LRRC28: variants seen among roughly 807,000 people sequenced by gnomAD.
LRRC28 encodes the protein leucine rich repeat containing 28.
A neutral mutation model predicts 45.7 loss-of-function variants in LRRC28; 39 were observed. That is an observed-to-expected ratio of 0.85 (90% CI 0.66 to 1.12). LRRC28 has a LOEUF of 1.12. Ranked by LOEUF, LRRC28 falls within the 50% of genes most tolerant of loss-of-function variation. The pLI is 0.00. For missense variants in LRRC28, 435 were observed against 438.5 expected (o/e 0.99, Z 0.07); for synonymous variants, 206 against 178.8 (o/e 1.15, Z -1.22).
chr15:99,286,300 T>G (rs894134871), intron 3 of LRRC28, among the ~76,000 whole-genome samples: 7 of 152,080 alleles, frequency 4.6e-5, no homozygotes, highest in African/African-American at 1.2e-4. Flanking sequence ...CTGGCTAATT[T>G]TTTTGTATTT....
In LRRC28 at chr15:99,361,136, G is replaced by C. The variant is rs1957187915; in HGVS notation, c.696-200G>C. ...ACTGGGCCTCAGCAATGATTTAGCT[G>C]AGTTCCAACTGATGAGTTTAGATTG... On this transcript the variant is annotated intron_variant, in intron 7 of 9. Transcript: ENST00000301981. 5.6e-6 allele frequency: 3 copies of C among 533,076 alleles called. No individual in the cohort carries two copies. The South Asian group carries it at 9.1e-5, about 16-fold the overall frequency. 33.0% of individuals were successfully genotyped at this position (533,076 alleles called of 1,614,324 possible).
intron 6 of LRRC28, chr15:99,338,108 A>G (rs915184784): frequency 6.6e-6 from 1 of 152,146 alleles, no homozygotes; most frequent in African/African-American, 2.4e-5. Context: ...AGGCTTCAGG[A>G]GACTGGAGAC....
rs139642725 is a variant in LRRC28, at chr15:99,341,639, G to A, written c.592+7510G>A. On this transcript the variant is annotated intron_variant, in intron 6 of 9. Transcript: ENST00000301981. ...ATTTAGGGGGTGGGACATGATTAAT[G>A]TGAAGAAAGTGAGCCCTGTTCTCCC... is the stretch of plus-strand genomic sequence containing the variant. Among the ~76,000 whole-genome samples the A allele has an allele frequency of 1.3e-4, 20 of 152,288 alleles. 1 individual carries two copies. The East Asian group carries it at 1.9e-3, about 15-fold the overall frequency.
intron 5 of LRRC28, among the ~76,000 whole-genome samples, chr15:99,324,400 A>G (rs1378155190): frequency 1.3e-5 from 2 of 152,208 alleles, no homozygotes; most frequent in African/African-American, 4.8e-5. Flanking sequence ...TTCTCAACCC[A>G]GTGTGCTCTG....
chr15:99,355,436 C>G (rs1361711268), intron 7 of LRRC28: 1 of 152,208 alleles, frequency 6.6e-6, no homozygotes, highest in Non-Finnish European at 1.5e-5. Context: ...GAGGTGACTA[C>G]ATGGAGAGTG....
chr15:99,325,386 ACTT>A (rs1357008891), intron 5 of LRRC28, among the ~76,000 whole-genome samples: 1 of 152,158 alleles, frequency 6.6e-6, no homozygotes, highest in Non-Finnish European at 1.5e-5. Context: ...ATAAAGTTTT[ACTT>A]CTTCTCTTCC....
rs531356076 is a variant in LRRC28 at position 99,322,091 on chromosome 15, A to C, written c.386-11832A>C. 1.2e-4 allele frequency among the ~76,000 whole-genome samples: 18 copies of C among 152,270 alleles called. No homozygotes were observed. In the South Asian group the frequency reaches 3.3e-3, roughly 28 times the overall value. On this transcript the variant is annotated intron_variant, in intron 5 of 9. Transcript: ENST00000301981. ...ATAGCAGATTCAAAGCCTCCAAGGG[A>C]AGAAATAACTTGACACTTCATTGGG...
intron 5 of LRRC28, among the ~76,000 whole-genome samples, chr15:99,330,608 G>T (rs1034848986): frequency 2.2e-4 from 33 of 151,712 alleles, no homozygotes; most frequent in African/African-American, 7.7e-4. Flanking sequence ...CAACCTATTT[G>T]TGCCTTTGAA....
At chr15:99,286,588 A>AT (rs1221453021) in intron 3 of LRRC28, 2 of 152,240 alleles carry the variant, frequency 1.3e-5, no homozygotes, top group African/African-American at 4.8e-5. Flanking sequence ...TTGGTTACTG[A>AT]TTGCAGGAAG....
rs148340507 is a variant in LRRC28 at position 99,376,111 on chromosome 15, A to T, written c.1032-9919A>T. On this transcript the variant is annotated intron_variant, in intron 9 of 9. Coordinates refer to ENST00000301981, the MANE Select transcript of LRRC28 (RefSeq NM_144598.5). ...TTTAGTACTATAAATTTCCCTCAGCACTACTGTCTCTAGCTATGTACCAAA... is the reference window on the plus strand; with the variant it reads ...TTTAGTACTATAAATTTCCCTCAGCTCTACTGTCTCTAGCTATGTACCAAA... Among the ~76,000 whole-genome samples the T allele has an allele frequency of 1.9e-3, 289 of 152,238 alleles. 4 individuals carry two copies. The highest frequency in any genetic ancestry group is 0.017 in the South Asian group (82 of 4,820).
intron 7 of LRRC28, among the ~76,000 whole-genome samples, chr15:99,357,060 C>G (rs1012155082): frequency 3.9e-5 from 6 of 152,200 alleles, no homozygotes; most frequent in Non-Finnish European, 8.8e-5. Context: ...TCTTCCCTTT[C>G]CTTTTACTTT....
chr15:99,337,921 G>A (rs991995547), intron 6 of LRRC28: 20 of 152,270 alleles, frequency 1.3e-4, no homozygotes, highest in Non-Finnish European at 2.5e-4. Flanking sequence ...AAAAGAAGCA[G>A]GCTACCTGAA....
chr15:99,385,146 G>A (rs1242329480), intron 9 of LRRC28, among the ~76,000 whole-genome samples: 1 of 140,400 alleles, frequency 7.1e-6, no homozygotes, highest in East Asian at 2.2e-4. Flanking sequence ...GAGAGGGAGT[G>A]GGGTGGAAAT....
chr15:99,387,527 G>A lies in LRRC28; in HGVS notation c.*1425G>A, dbSNP rs992010278. ...AAAAGCAGGTCCAAATTCAGCCTTCGACTTCTGCAAAAGTCCATAAACAGA... is the reference window on the plus strand; with the variant it reads ...AAAAGCAGGTCCAAATTCAGCCTTCAACTTCTGCAAAAGTCCATAAACAGA... On this transcript the variant is annotated 3_prime_UTR_variant, in exon 10 of 10. Coordinates refer to ENST00000301981, the MANE Select transcript of LRRC28 (RefSeq NM_144598.5). 9 of 152,140 alleles carry A rather than the reference G, an allele frequency of 5.9e-5. No individual in the cohort carries two copies. The highest frequency in any genetic ancestry group is 1.7e-4 in the African/African-American group (7 of 41,434). 9.4% of individuals were successfully genotyped at this position (152,140 alleles called of 1,614,324 possible).
intron 3 of LRRC28, among the ~76,000 whole-genome samples, chr15:99,281,897 C>CT (rs1206894145): frequency 6.6e-6 from 1 of 151,656 alleles, no homozygotes; most frequent in Non-Finnish European, 1.5e-5. Context: ...ACACTGTGAG[C>CT]TTTGCAGGCT....
rs1424865066 is a variant in LRRC28 at position 99,389,762 on chromosome 15, C to G, written c.*3660C>G. On this transcript the variant is annotated 3_prime_UTR_variant, in exon 10 of 10. Coordinates refer to ENST00000301981, the MANE Select transcript of LRRC28 (RefSeq NM_144598.5). ...TCCCAGAAACTCAGTGAATATCTTG[C>G]CTTTTCTTCAAACAAAGGGGGTTTT... The G allele has an allele frequency of 6.6e-6, 1 of 152,124 alleles. No individual in the cohort carries two copies. Among genetic ancestry groups the G allele is most frequent in the Non-Finnish European group, 1.5e-5 (1 of 68,030 alleles). 9.4% of individuals were successfully genotyped at this position (152,124 alleles called of 1,614,324 possible). A position where few individuals can be genotyped will look rare whatever the true frequency, so the allele number is the denominator to read the frequency against.
chr15:99,318,285 A>G (rs1955668331), intron 5 of LRRC28, among the ~76,000 whole-genome samples: 1 of 148,134 alleles, frequency 6.8e-6, no homozygotes, highest in African/African-American at 2.5e-5. Flanking sequence ...AATTTTTAGA[A>G]TTTTAATCAC....
chr15:99,316,313 G>GT (rs1955590712), intron 5 of LRRC28, among the ~76,000 whole-genome samples: 1 of 152,158 alleles, frequency 6.6e-6, no homozygotes, highest in Non-Finnish European at 1.5e-5. Flanking sequence ...TTGTATCCAT[G>GT]TTTTTGTAGA....
chr15:99,317,748 A>G (rs1955648021), intron 5 of LRRC28, among the ~76,000 whole-genome samples: 1 of 152,158 alleles, frequency 6.6e-6, no homozygotes, highest in African/African-American at 2.4e-5. Flanking sequence ...TATTCTTGGA[A>G]ATTTTATTTG....
Sources: gnomAD v4.1 joint callset for allele counts (sites outside exome capture counted in the v4.1 genomes callset) on GRCh38, gnomAD v4.1.1 for gene constraint, MANE v1.5 for transcripts, NCBI Gene and HGNC (gene_info 2026-07-23, HGNC 2026-07-21) for gene names.